ARL8B: variants seen among roughly 807,000 people sequenced by gnomAD.
The protein encoded by ARL8B is ADP-ribosylation factor-like protein 8B.
In ARL8B, 9 loss-of-function variants were observed where a neutral mutation model predicts 30.6. That is an observed-to-expected ratio of 0.29 (90% CI 0.18 to 0.51). The LOEUF (loss-of-function observed/expected upper bound fraction) is 0.51. Ranked by LOEUF, ARL8B falls within the 20% of genes least tolerant of loss-of-function variation. The pLI is 0.97. For synonymous variants in ARL8B, 74 were observed against 76.0 expected (o/e 0.97, Z 0.14); for missense variants, 130 against 227.2 (o/e 0.57, Z 2.75).
intron 1 of ARL8B, among the ~76,000 whole-genome samples, chr3:5,139,509 GT>G (rs944694916): frequency 6.6e-6 from 1 of 152,252 alleles, no homozygotes; most frequent in East Asian, 1.9e-4. Flanking sequence ...ACATTTATAA[GT>G]TTTTTTATTC....
At chr3:5,163,430 T>C (rs1403509813) in intron 1 of ARL8B, among the ~76,000 whole-genome samples, 1 of 152,174 alleles carries the variant, frequency 6.6e-6, no homozygotes, top group Admixed American at 6.5e-5. Context: ...CAAATTTGCA[T>C]ATAAAACAGA....
intron 1 of ARL8B, among the ~76,000 whole-genome samples, chr3:5,135,721 T>C (rs578090080): frequency 2.6e-5 from 4 of 151,290 alleles, no homozygotes; most frequent in Non-Finnish European, 5.9e-5. Context: ...CCTCCTAAAG[T>C]GCTAGGATTA....
chr3:5,174,458 A>G (rs373355615), intron 6 of ARL8B, 44 bp downstream of exon 6: 17 of 1,245,054 alleles, frequency 1.4e-5, no homozygotes, highest in Non-Finnish European at 1.9e-5. Context: ...GTATCATTGG[A>G]AGGAATGTCT....
At chr3:5,175,405 C>G (rs1196513784) in intron 6 of ARL8B, among the ~76,000 whole-genome samples, 1 of 152,116 alleles carries the variant, frequency 6.6e-6, no homozygotes, top group Non-Finnish European at 1.5e-5. Flanking sequence ...AGCTAGTATC[C>G]CGCTGTGCTT....
intron 1 of ARL8B, among the ~76,000 whole-genome samples, chr3:5,152,725 A>T (rs184359666): frequency 4.9e-4 from 75 of 152,292 alleles, no homozygotes; most frequent in African/African-American, 1.5e-3. Context: ...GCCTCAAGTG[A>T]TCCTCCTTCC....
rs2054752686 is a variant in ARL8B, at chr3:5,178,802, TC to T, written c.*91del. 6.3e-7 allele frequency: 1 copy of T among 1,590,446 alleles called. No individual in the cohort carries two copies. Among genetic ancestry groups the T allele is most frequent in the Non-Finnish European group, 8.5e-7 (1 of 1,172,800 alleles). The stretch of plus-strand genomic sequence containing the variant: ...GAAGTAATTCCCAGAATACGGTCCT[TC>T]CTAAACCCCAGAAATTGCCTTTTTC... On this transcript the variant is annotated 3_prime_UTR_variant, in exon 7 of 7. Coordinates refer to ENST00000256496, the MANE Select transcript of ARL8B (RefSeq NM_018184.3).
intron 1 of ARL8B, among the ~76,000 whole-genome samples, chr3:5,125,807 A>T (rs909939470): frequency 6.6e-6 from 1 of 152,202 alleles, no homozygotes; most frequent in Non-Finnish European, 1.5e-5. Flanking sequence ...TGCTGGGATT[A>T]CAGGCGTGAG....
intron 1 of ARL8B, among the ~76,000 whole-genome samples, chr3:5,130,171 T>C (rs540891866): frequency 6.6e-4 from 99 of 149,644 alleles, no homozygotes; most frequent in Non-Finnish European, 1.2e-3. Flanking sequence ...ACCAAGGTCA[T>C]ATTCTCTTAA....
chr3:5,122,329 G>C lies in ARL8B; in HGVS notation c.-137G>C. On this transcript the variant is annotated 5_prime_UTR_variant, in exon 1 of 7. Transcript: ENST00000256496. Reference sequence around the variant, plus strand: ...CGGCTTCCTGGGTCTGGCTGCTGCCGCCCGCCGGTGTCCGCCCGTGTCGCG... The same window carrying C: ...CGGCTTCCTGGGTCTGGCTGCTGCCCCCCGCCGGTGTCCGCCCGTGTCGCG... 1 of 1,528,898 alleles carries C rather than the reference G, an allele frequency of 6.5e-7. No homozygotes were observed. Among genetic ancestry groups the C allele is most frequent in the East Asian group, 2.5e-5 (1 of 40,320 alleles). 94.7% of individuals were successfully genotyped at this position (1,528,898 alleles called of 1,614,324 possible). A position where few individuals can be genotyped will look rare whatever the true frequency, so the allele number is the denominator to read the frequency against.
intron 1 of ARL8B, among the ~76,000 whole-genome samples, chr3:5,127,223 A>T (rs2054238146): frequency 6.6e-6 from 1 of 152,212 alleles, no homozygotes; most frequent in African/African-American, 2.4e-5. Flanking sequence ...CAACAAAGCT[A>T]ATTCGTAGCA....
rs114098031 is a variant in ARL8B at position 5,149,505 on chromosome 3, A to G, written c.124-20998A>G. On this transcript the variant is annotated intron_variant, in intron 1 of 6. Transcript: ENST00000256496. ...ACACCTGGGGCAGTTACGACAGGCAATTTATCTCCTAGCACACAAGTCCCT... is the reference window on the plus strand; with the variant it reads ...ACACCTGGGGCAGTTACGACAGGCAGTTTATCTCCTAGCACACAAGTCCCT... 8.9e-3 allele frequency among the ~76,000 whole-genome samples: 1,363 copies of G among 152,322 alleles called. 16 individuals carry two copies. The highest frequency in any genetic ancestry group is 0.031 in the African/African-American group (1,275 of 41,568).
intron 1 of ARL8B, among the ~76,000 whole-genome samples, chr3:5,139,798 G>A (rs1303477782): frequency 6.6e-6 from 1 of 152,160 alleles, no homozygotes; most frequent in Non-Finnish European, 1.5e-5. Flanking sequence ...AGCAGAAGTA[G>A]TTACTGGATG....
rs1438553547 is a variant in ARL8B at position 5,179,598 on chromosome 3, G to C, written c.*885G>C. The C allele has an allele frequency of 6.6e-6, 1 of 152,588 alleles. No individual in the cohort carries two copies. The highest frequency in any genetic ancestry group is 1.5e-5 in the Non-Finnish European group (1 of 68,032). The allele number at this position is 152,588 out of a possible 1,614,324, so 9.5% of individuals were successfully genotyped here. A position where few individuals can be genotyped will look rare whatever the true frequency, so the allele number is the denominator to read the frequency against. On this transcript the variant is annotated 3_prime_UTR_variant, in exon 7 of 7. Transcript: ENST00000256496. ...AATGTCAGTCTTTGTTCAAACATCT[G>C]TTTGTTCTATCTCCAGTCATTAAAT...
chr3:5,133,329 T>C (rs1343392491), intron 1 of ARL8B, among the ~76,000 whole-genome samples: 1 of 152,190 alleles, frequency 6.6e-6, no homozygotes, highest in Non-Finnish European at 1.5e-5. Context: ...TCCGAAGGAT[T>C]AATTTAGCAG....
rs1352411801 is a variant in ARL8B at position 5,146,447 on chromosome 3, C to G, written c.123+23859C>G. On this transcript the variant is annotated intron_variant, in intron 1 of 6. Transcript: ENST00000256496. ...AATAGTCCATCTTTAATTAATTCCT[C>G]TATTACTGGTTGGAGCCTTTTTCTC... 2.6e-5 allele frequency among the ~76,000 whole-genome samples: 4 copies of G among 152,160 alleles called. No homozygotes were observed. In the South Asian group the frequency reaches 6.2e-4, roughly 24 times the overall value.
At chr3:5,177,463 T>C (rs1009925836) in intron 6 of ARL8B, among the ~76,000 whole-genome samples, 4 of 151,638 alleles carry the variant, frequency 2.6e-5, no homozygotes, top group African/African-American at 9.7e-5. Context: ...GAATTTCTTT[T>C]TTTTTTTTTT....
intron 1 of ARL8B, among the ~76,000 whole-genome samples, chr3:5,126,770 T>C (rs1410608714): frequency 6.6e-6 from 1 of 152,220 alleles, no homozygotes; most frequent in Non-Finnish European, 1.5e-5. Flanking sequence ...TTCTGATTAG[T>C]GTCAAGGAAT....
rs773485945 is a variant in ARL8B, at chr3:5,136,473, C to T, written c.123+13885C>T. On this transcript the variant is annotated intron_variant, in intron 1 of 6. Transcript: ENST00000256496. ...ACTCCTGATAAATCTAATTCTTCCG[C>T]CTCCTGTCACTGAAATTAGTTTGGA... is the stretch of plus-strand genomic sequence containing the variant. 7.1e-4 allele frequency among the ~76,000 whole-genome samples: 108 copies of T among 152,112 alleles called. 1 individual carries two copies. The highest frequency in any genetic ancestry group is 1.2e-3 in the Non-Finnish European group (82 of 68,024).
intron 1 of ARL8B, among the ~76,000 whole-genome samples, chr3:5,160,940 G>T (rs1050091255): frequency 5.9e-5 from 9 of 152,270 alleles, no homozygotes; most frequent in South Asian, 4.1e-4. Flanking sequence ...GTCTGGCTTT[G>T]TCCCCCAGGT....
Sources: gnomAD v4.1 joint callset for allele counts (sites outside exome capture counted in the v4.1 genomes callset) on GRCh38, gnomAD v4.1.1 for gene constraint, MANE v1.5 for transcripts, NCBI Gene and HGNC (gene_info 2026-07-23, HGNC 2026-07-21) for gene names.